The following ZCCHC24 variants were observed in gnomAD, a reference collection of about 807,000 sequenced individuals.
ZCCHC24 encodes the protein zinc finger CCHC-type containing 24.
ZCCHC24 carries 10 observed loss-of-function variants against 26.2 expected under a neutral mutation model. The ratio of observed to expected loss-of-function variants is 0.38; its 90% CI spans 0.24 to 0.65. The LOEUF (loss-of-function observed/expected upper bound fraction) is 0.65, where lower values mean the gene tolerates loss of function less well. Among genes scored for constraint, ZCCHC24 ranks in the 30% least tolerant of loss-of-function variants. The pLI, the probability that ZCCHC24 is intolerant of heterozygous loss-of-function variation, is 0.54. For synonymous variants in ZCCHC24, 144 were observed against 147.1 expected (o/e 0.98, Z 0.15); for missense variants, 243 against 329.1 (o/e 0.74, Z 2.03).
At chr10:79,403,317 C>A (rs1564633843) in intron 2 of ZCCHC24, 1 of 892,296 alleles carries the variant, frequency 1.1e-6, no homozygotes, top group African/African-American at 1.8e-5. Flanking sequence ...AACTGAGGCT[C>A]GAGACAGGGG....
rs138054760 is a variant in ZCCHC24 at position 79,435,550 on chromosome 10, C to T, written c.247-2792G>A. Among the ~76,000 whole-genome samples the T allele has an allele frequency of 5.2e-3, 791 of 152,364 alleles. 3 individuals carry two copies. The highest frequency in any genetic ancestry group is 9.4e-3 in the Non-Finnish European group (641 of 68,026). On this transcript the variant is annotated intron_variant, in intron 1 of 3. Coordinates refer to ENST00000372336, the MANE Select transcript of ZCCHC24 (RefSeq NM_153367.4). ...AGAGCTTCCCCTCCTCATGGCCTTC[C>T]CACCTCTAGTGCCCTCCAGCCTGTC... is the stretch of plus-strand genomic sequence containing the variant.
intron 2 of ZCCHC24, among the ~76,000 whole-genome samples, chr10:79,423,676 T>C (rs957756778): frequency 2.7e-5 from 4 of 146,568 alleles, no homozygotes; most frequent in African/African-American, 1.0e-4. Context: ...TTCACTATTA[T>C]ACCCATTTTC....
At chr10:79,405,077 C>T (rs534566022) in intron 2 of ZCCHC24, among the ~76,000 whole-genome samples, 5 of 152,180 alleles carry the variant, frequency 3.3e-5, no homozygotes, top group Non-Finnish European at 5.9e-5. Flanking sequence ...ACCCACCCGC[C>T]GCCTTGCCCT....
intron 2 of ZCCHC24, among the ~76,000 whole-genome samples, chr10:79,419,515 G>A (rs192258961): frequency 1.4e-4 from 22 of 152,298 alleles, no homozygotes; most frequent in East Asian, 3.9e-4. Flanking sequence ...AACCTTCCCC[G>A]GAGTCTTCAC....
At chr10:79,410,797 T>C (rs1241939850) in intron 2 of ZCCHC24, among the ~76,000 whole-genome samples, 1 of 104,448 alleles carries the variant, frequency 9.6e-6, no homozygotes, top group African/African-American at 3.8e-5. Context: ...GGTGGGGGTG[T>C]GGTCTGGGGA....
chr10:79,417,155 C>G (rs543470753), intron 2 of ZCCHC24, among the ~76,000 whole-genome samples: 1 of 79,170 alleles, frequency 1.3e-5, no homozygotes, highest in African/African-American at 3.5e-5. Context: ...GTTTTGGGAA[C>G]ACAGAGGGAG....
At chr10:79,389,139 A>C (rs1244347962) in intron 3 of ZCCHC24, among the ~76,000 whole-genome samples, 1 of 152,162 alleles carries the variant, frequency 6.6e-6, no homozygotes, top group Non-Finnish European at 1.5e-5. Flanking sequence ...ATGGAGGGGA[A>C]CGTGTCTTCA....
intron 3 of ZCCHC24, among the ~76,000 whole-genome samples, chr10:79,393,530 C>T (rs753305459): frequency 2.6e-4 from 40 of 152,228 alleles, no homozygotes; most frequent in Admixed American, 1.6e-3. Context: ...TGAGGCTATG[C>T]TATTGGCTTT....
At chr10:79,390,397 A>G (rs1856463378) in intron 3 of ZCCHC24, among the ~76,000 whole-genome samples, 1 of 152,204 alleles carries the variant, frequency 6.6e-6, no homozygotes, top group Admixed American at 6.5e-5. Context: ...GAGCATTCAA[A>G]ATGTTGGCCA....
chr10:79,408,440 G>A (rs1056580115), intron 2 of ZCCHC24, among the ~76,000 whole-genome samples: 1 of 152,162 alleles, frequency 6.6e-6, no homozygotes, highest in Non-Finnish European at 1.5e-5. Context: ...AACCAGCCAG[G>A]GAGCAGGGAA....
chr10:79,417,183 G>A (rs1856876362), intron 2 of ZCCHC24, among the ~76,000 whole-genome samples: 1 of 79,216 alleles, frequency 1.3e-5, no homozygotes, highest in African/African-American at 3.5e-5. Flanking sequence ...GCATGGGGAG[G>A]GCTCAGAGGG....
rs1046938351 is a variant in ZCCHC24 at position 79,445,569 on chromosome 10, C to T, written c.-129G>A. On this transcript the variant is annotated 5_prime_UTR_variant, in exon 1 of 4. Coordinates refer to ENST00000372336, the MANE Select transcript of ZCCHC24 (RefSeq NM_153367.4). ...AGCCCCGACGGTGATCGCCCCGCGC[C>T]CTGCGCCCCGCGCGCTGCCCGCAGC... 2 of 836,330 alleles carry T rather than the reference C, an allele frequency of 2.4e-6. No individual in the cohort carries two copies. Among genetic ancestry groups the T allele is most frequent in the Non-Finnish European group, 3.0e-6 (2 of 670,186 alleles). 51.8% of individuals were successfully genotyped at this position (836,330 alleles called of 1,614,324 possible). A position where few individuals can be genotyped will look rare whatever the true frequency, so the allele number is the denominator to read the frequency against.
At chr10:79,392,256 G>C (rs2132176111) in intron 3 of ZCCHC24, among the ~76,000 whole-genome samples, 1 of 152,216 alleles carries the variant, frequency 6.6e-6, no homozygotes, top group Non-Finnish European at 1.5e-5. Context: ...ACGGAACTAG[G>C]CTGATGCCTG....
At chr10:79,438,226 G>A (rs1043728805) in intron 1 of ZCCHC24, among the ~76,000 whole-genome samples, 9 of 152,142 alleles carry the variant, frequency 5.9e-5, no homozygotes, top group Admixed American at 2.6e-4. Flanking sequence ...CCACAGACAC[G>A]CGCACACACA....
chr10:79,412,891 G>GC (rs1180149022), intron 2 of ZCCHC24, among the ~76,000 whole-genome samples: 3 of 152,206 alleles, frequency 2.0e-5, no homozygotes, highest in Admixed American at 1.3e-4. Flanking sequence ...TGAGTACCAA[G>GC]CACATGGCTG....
At chr10:79,427,698 C>T (rs1434661965) in intron 2 of ZCCHC24, among the ~76,000 whole-genome samples, 1 of 151,822 alleles carries the variant, frequency 6.6e-6, no homozygotes, top group Non-Finnish European at 1.5e-5. Context: ...GAGGAAAATT[C>T]ATAGCTGTAA....
At chr10:79,425,607 C>T (rs1465935097) in intron 2 of ZCCHC24, among the ~76,000 whole-genome samples, 1 of 152,182 alleles carries the variant, frequency 6.6e-6, no homozygotes, top group East Asian at 1.9e-4. Context: ...CTTTGATATT[C>T]ACTAGCTGTG....
intron 2 of ZCCHC24, among the ~76,000 whole-genome samples, chr10:79,418,704 A>T (rs914368288): frequency 6.6e-6 from 1 of 152,190 alleles, no homozygotes; most frequent in East Asian, 1.9e-4. Flanking sequence ...GGCAGAGTGA[A>T]GCCCACCCAA....
chr10:79,442,518 G>C (rs1301637888), intron 1 of ZCCHC24, among the ~76,000 whole-genome samples: 1 of 152,214 alleles, frequency 6.6e-6, no homozygotes, highest in Non-Finnish European at 1.5e-5. Flanking sequence ...GGAGCAGCCT[G>C]GGGGTGGTGC....
Sources: allele counts gnomAD v4.1 joint callset (sites outside exome capture counted in the v4.1 genomes callset), GRCh38; gene constraint gnomAD v4.1.1; transcripts MANE v1.5; gene names NCBI Gene and HGNC (gene_info 2026-07-23, HGNC 2026-07-21).